The following PKNOX2 variants were observed in gnomAD, a reference collection of about 807,000 sequenced individuals.
PKNOX2 encodes PBX/knotted 1 homeobox 2, also known as homeobox protein PKNOX2.
A neutral mutation model predicts 53.1 loss-of-function variants in PKNOX2; 14 were observed. That is an observed-to-expected ratio of 0.26 (90% CI 0.17 to 0.41). The LOEUF (loss-of-function observed/expected upper bound fraction) is 0.41. Ranked by LOEUF, PKNOX2 falls within the 10% of genes least tolerant of loss-of-function variation. The probability of loss-of-function intolerance (pLI) is 1.00; values close to 1 mark genes in which losing one functional copy is unlikely to be tolerated. For missense variants in PKNOX2, 496 were observed against 602.8 expected (o/e 0.82, Z 1.85); for synonymous variants, 257 against 242.8 (o/e 1.06, Z -0.54).
chr11:125,174,897 G>A (rs11219946), intron 1 of PKNOX2, among the ~76,000 whole-genome samples: 62,336 of 151,946 alleles, frequency 0.41, 14,154 homozygotes, highest in African/African-American at 0.61. Context: ...GAGACAACTG[G>A]TTTCATAGTA....
intron 2 of PKNOX2, among the ~76,000 whole-genome samples, chr11:125,238,757 AG>A (rs1410539563): frequency 1.3e-5 from 2 of 152,250 alleles, no homozygotes; most frequent in Non-Finnish European, 2.9e-5. Flanking sequence ...AACTTAGGTC[AG>A]GAAACTAACA....
At chr11:125,428,682 G>A (rs1319475292) in intron 10 of PKNOX2, among the ~76,000 whole-genome samples, 1 of 152,188 alleles carries the variant, frequency 6.6e-6, no homozygotes, top group Non-Finnish European at 1.5e-5. Context: ...GCCTGCTGGG[G>A]GCGGCAGTGA....
intron 2 of PKNOX2, among the ~76,000 whole-genome samples, chr11:125,293,778 C>T (rs1191924692): frequency 7.0e-6 from 1 of 143,230 alleles, no homozygotes; most frequent in Non-Finnish European, 1.6e-5. Context: ...CACATACTGA[C>T]ACAGACACGC....
At position 125,165,529 on chromosome 11, in the gene PKNOX2, G is replaced by C. The variant is rs1238879024; in HGVS notation, c.-201+753G>C. ...CTGGGGCCAGGTGACCGGAGGAGTCGAGGAGCCGCGGCCGCGGCCTGGGGA... is the reference window on the plus strand; with the variant it reads ...CTGGGGCCAGGTGACCGGAGGAGTCCAGGAGCCGCGGCCGCGGCCTGGGGA... On this transcript the variant is annotated intron_variant, in intron 1 of 12. Coordinates refer to ENST00000298282, the MANE Select transcript of PKNOX2 (RefSeq NM_001382323.2). The surrounding 1 kb of genome is among the most constrained non-coding windows in gnomAD (Gnocchi z 4.5). Among the ~76,000 whole-genome samples the C allele has an allele frequency of 6.6e-6, 1 of 152,164 alleles. No homozygotes were observed. Among genetic ancestry groups the C allele is most frequent in the Non-Finnish European group, 1.5e-5 (1 of 68,002 alleles).
Position 125,431,549 on chromosome 11 carries a change from T to C in PKNOX2, c.*157T>C, listed in dbSNP as rs1469707307. ...CTTGAAGAAAGGCAAAGGAGACACC[T>C]GTTCCTTCCCAACCACCGAGCTTCA... On this transcript the variant is annotated 3_prime_UTR_variant, in exon 13 of 13. Coordinates refer to ENST00000298282, the MANE Select transcript of PKNOX2 (RefSeq NM_001382323.2). 1 of 839,028 alleles carries C rather than the reference T, an allele frequency of 1.2e-6. No individual in the cohort carries two copies. The highest frequency in any genetic ancestry group is 1.7e-5 in the African/African-American group (1 of 58,214). 52.0% of individuals were successfully genotyped at this position (839,028 alleles called of 1,614,324 possible).
At position 125,352,941 on chromosome 11, in the gene PKNOX2, A is replaced by T. The variant is rs1951398443; in HGVS notation, c.87+1549A>T. On this transcript the variant is annotated intron_variant, in intron 4 of 12. Coordinates refer to ENST00000298282, the MANE Select transcript of PKNOX2 (RefSeq NM_001382323.2). This position sits in a 1 kb window ranked among gnomAD's most constrained non-coding sequence, Gnocchi z 4.1. ...TCTGTAGTTTCAGCTCCCGAGACAA[A>T]GTTCAGAAGGAGCCCTCAACTGATG... is the stretch of plus-strand genomic sequence containing the variant. Among the ~76,000 whole-genome samples the T allele has an allele frequency of 6.6e-6, 1 of 152,110 alleles. No homozygotes were observed. Among genetic ancestry groups the T allele is most frequent in the African/African-American group, 2.4e-5 (1 of 41,420 alleles).
intron 7 of PKNOX2, among the ~76,000 whole-genome samples, chr11:125,406,955 A>T (rs1316528282): frequency 6.8e-6 from 1 of 146,576 alleles, no homozygotes; most frequent in East Asian, 2.0e-4. Context: ...AAGCACACTC[A>T]AGGCAGGTTT....
At chr11:125,291,668 T>C (rs1212197336) in intron 2 of PKNOX2, among the ~76,000 whole-genome samples, 1 of 152,192 alleles carries the variant, frequency 6.6e-6, no homozygotes, top group Non-Finnish European at 1.5e-5. Context: ...CCTCAAGTAC[T>C]CATCAACTGA....
intron 2 of PKNOX2, among the ~76,000 whole-genome samples, chr11:125,323,828 T>C (rs1310410593): frequency 6.6e-6 from 1 of 151,798 alleles, no homozygotes; most frequent in African/African-American, 2.4e-5. Context: ...TCTGTGCCTT[T>C]GTGTGTCTGT....
chr11:125,224,278 G>A (rs535154837), intron 1 of PKNOX2, among the ~76,000 whole-genome samples: 8 of 152,386 alleles, frequency 5.2e-5, no homozygotes, highest in African/African-American at 1.7e-4. Flanking sequence ...TGGCTGGCAG[G>A]TGCCAGGTGG....
intron 2 of PKNOX2, among the ~76,000 whole-genome samples, chr11:125,277,941 G>A (rs1336702514): frequency 6.6e-6 from 1 of 152,080 alleles, no homozygotes; most frequent in Non-Finnish European, 1.5e-5. Flanking sequence ...GACTAGCTGG[G>A]TGTAGTTGCT....
intron 2 of PKNOX2, among the ~76,000 whole-genome samples, chr11:125,262,017 C>T (rs1944889095): frequency 6.6e-6 from 1 of 152,194 alleles, no homozygotes; most frequent in African/African-American, 2.4e-5. Flanking sequence ...AGCAGCCCTC[C>T]AGTCCCCTGC....
At chr11:125,340,327 C>T (rs1424882207) in intron 3 of PKNOX2, among the ~76,000 whole-genome samples, 1 of 152,206 alleles carries the variant, frequency 6.6e-6, no homozygotes, top group Non-Finnish European at 1.5e-5. Context: ...TCTAAACTGG[C>T]AGCTTGGTTT....
chr11:125,346,867 G>A (rs536154810), intron 3 of PKNOX2, among the ~76,000 whole-genome samples: 5 of 151,632 alleles, frequency 3.3e-5, no homozygotes, highest in African/African-American at 1.2e-4. Flanking sequence ...CCAGAAGACA[G>A]GCAGACCCAG....
rs750931617 is a variant in PKNOX2, at chr11:125,410,273, G to T, written c.666G>T (p.Ala222=). ...AGGGGATTGTGGTCCCAGCCTCAGC[G>T]CTCCAGCAGGGCAACATCGCCATGA... The part of the protein sequence containing the change: ...NPQGIVVPAS[A]LQQGNIAMTT... The change falls in exon 8 of 13, where the codon GCG becomes GCT. Residue 222 remains alanine (A), a synonymous_variant. Transcript: ENST00000298282. The T allele has an allele frequency of 1.2e-6, 2 of 1,614,074 alleles. No individual in the cohort carries two copies. The highest frequency in any genetic ancestry group is 1.1e-5 in the South Asian group (1 of 91,072).
intron 2 of PKNOX2, among the ~76,000 whole-genome samples, chr11:125,264,582 G>A (rs1293195180): frequency 2.0e-5 from 3 of 152,024 alleles, no homozygotes; most frequent in Non-Finnish European, 4.4e-5. Flanking sequence ...GGGTGGGGTG[G>A]CGGGGCCGGG....
intron 1 of PKNOX2, among the ~76,000 whole-genome samples, chr11:125,225,181 A>T (rs1210401102): frequency 6.6e-6 from 1 of 152,202 alleles, no homozygotes; most frequent in Non-Finnish European, 1.5e-5. Context: ...GAAGGTTCTG[A>T]AACGCCTGCT....
intron 10 of PKNOX2, among the ~76,000 whole-genome samples, chr11:125,421,454 G>A (rs371347626): frequency 1.6e-4 from 24 of 152,312 alleles, no homozygotes; most frequent in Middle Eastern, 3.4e-3. Context: ...ATGGTGTAGC[G>A]CAAGGAGCAA....
chr11:125,344,088 C>T (rs983171347), intron 3 of PKNOX2, among the ~76,000 whole-genome samples: 6 of 152,154 alleles, frequency 3.9e-5, no homozygotes, highest in Non-Finnish European at 7.3e-5. Flanking sequence ...CTTTATCATG[C>T]TGCTTGTGTG....
Sources: allele counts gnomAD v4.1 joint callset (sites outside exome capture counted in the v4.1 genomes callset), GRCh38; gene constraint gnomAD v4.1.1; non-coding constraint Gnocchi (gnomAD v3.1); transcripts MANE v1.5; gene names NCBI Gene and HGNC (gene_info 2026-07-23, HGNC 2026-07-21).